OPA3: variants seen among roughly 807,000 people sequenced by gnomAD.
The protein encoded by OPA3 is optic atrophy 3 protein.
In OPA3, 6 loss-of-function variants were observed where a neutral mutation model predicts 4.0. That is an observed-to-expected ratio of 1.51 (90% confidence interval 0.83 to 2.99). The LOEUF (loss-of-function observed/expected upper bound fraction) is 2.99. OPA3 is among the 30% of genes most tolerant of loss of function. OPA3 has a pLI of 0.00. For synonymous variants in OPA3, 105 were observed against 117.1 expected (o/e 0.90, Z 0.67); for missense variants, 235 against 256.2 (o/e 0.92, Z 0.56).
intron 1 of OPA3, among the ~76,000 whole-genome samples, chr19:45,533,930 A>G (rs947496775): frequency 2.6e-5 from 4 of 152,230 alleles, no homozygotes; most frequent in African/African-American, 9.6e-5. Flanking sequence ...GTCCATGTGA[A>G]TTCTAGTATC....
At chr19:45,544,281 G>A (rs1317697184), downstream of OPA3, among the ~76,000 whole-genome samples, 2 of 152,182 alleles carry the variant, frequency 1.3e-5, no homozygotes, top group Non-Finnish European at 2.9e-5. Flanking sequence ...CCACCACGCG[G>A]AGGAAACAAC....
At chr19:45,528,725 C>A (rs182553559) in exon 2 of OPA3, 316 of 297,558 alleles carry the variant, frequency 1.1e-3, no homozygotes, top group African/African-American at 6.4e-3. Flanking sequence ...GTCCTGCTGG[C>A]CTACCTAGCG....
intron 1 of OPA3, among the ~76,000 whole-genome samples, chr19:45,537,238 G>C (rs1969128083): frequency 1.3e-5 from 2 of 151,434 alleles, no homozygotes; most frequent in South Asian, 2.1e-4. Flanking sequence ...GCCCAGGCTG[G>C]AGTGCAATGG....
chr19:45,550,798 G>A lies in OPA3; in HGVS notation c.*2716C>T, dbSNP rs574653920. The A allele has an allele frequency of 2.0e-6, 2 of 985,944 alleles. No homozygotes were observed. The highest frequency in any genetic ancestry group is 4.7e-5 in the South Asian group (1 of 21,294). The allele number at this position is 985,944 out of a possible 1,614,324, so 61.1% of individuals were successfully genotyped here. A position where few individuals can be genotyped will look rare whatever the true frequency, so the allele number is the denominator to read the frequency against. ...TTCATCACCTTGCAGCTCCTCTAATGAGAGAGCTACAGTCGGAAGGACAGA... is the reference window on the plus strand; with the variant it reads ...TTCATCACCTTGCAGCTCCTCTAATAAGAGAGCTACAGTCGGAAGGACAGA... On this transcript the variant is annotated 3_prime_UTR_variant, in exon 2 of 2. Coordinates refer to ENST00000263275, the MANE Select transcript of OPA3 (RefSeq NM_025136.4).
chr19:45,543,352 G>A (rs1318620629), downstream of OPA3, among the ~76,000 whole-genome samples: 28 of 140,280 alleles, frequency 2.0e-4, no homozygotes, highest in Non-Finnish European at 1.4e-4. Flanking sequence ...ACAGAGTCTC[G>A]CTCTGTTGCC....
chr19:45,567,160 T>A (rs1275460653), intron 1 of OPA3, among the ~76,000 whole-genome samples: 2 of 151,856 alleles, frequency 1.3e-5, no homozygotes, highest in East Asian at 3.9e-4. Context: ...GGCAACTTAG[T>A]GAGATCCATC....
chr19:45,546,498 G>GTT lies in OPA3; in HGVS notation c.*7015_*7016insAA. ...GCACACGATGGATTACATAAACTCT[G>GTT]CTTTTTTTTTTTTTTGAGACAGGGT... On this transcript the variant is annotated 3_prime_UTR_variant, in exon 2 of 2. Coordinates refer to ENST00000263275, the MANE Select transcript of OPA3 (RefSeq NM_025136.4). The GTT allele has an allele frequency of 5.8e-5, 34 of 586,772 alleles. No homozygotes were observed. Among genetic ancestry groups the GTT allele is most frequent in the East Asian group, 1.5e-4 (1 of 6,634 alleles). 36.3% of individuals were successfully genotyped at this position (586,772 alleles called of 1,614,324 possible). A position where few individuals can be genotyped will look rare whatever the true frequency, so the allele number is the denominator to read the frequency against.
intron 1 of OPA3, among the ~76,000 whole-genome samples, chr19:45,559,393 C>CTTTTTTTTTTTTTTTTTTTTTTT (rs1411300137): frequency 2.0e-5 from 2 of 97,824 alleles, no homozygotes; most frequent in African/African-American, 4.2e-5. Context: ...CCCTCTTTTT[C>CTTTTTTTTTTTTTTTTTTTTTTT]TTTCTTTTTT....
chr19:45,569,787 C>T (rs565655652), intron 1 of OPA3, among the ~76,000 whole-genome samples: 7 of 152,176 alleles, frequency 4.6e-5, no homozygotes, highest in East Asian at 1.9e-4. Flanking sequence ...TGCCTGGAGC[C>T]GCAGCAGCCC....
Position 45,555,025 on chromosome 19 carries a change from C to T in OPA3, c.143-1114G>A, listed in dbSNP as rs188401260. ...CAGGCTGGTCTCGATCATCTGACCT[C>T]GTGATCCACCTGCGTTGGCCTCTCA... On this transcript the variant is annotated intron_variant, in intron 1 of 1. Coordinates refer to ENST00000263275, the MANE Select transcript of OPA3 (RefSeq NM_025136.4). Among the ~76,000 whole-genome samples the T allele has an allele frequency of 4.5e-3, 687 of 152,258 alleles. 7 individuals carry two copies. Among genetic ancestry groups the T allele is most frequent in the African/African-American group, 0.015 (638 of 41,556 alleles).
rs1195027197 is a variant in OPA3, at chr19:45,572,156, C to T, written c.142+12467G>A. Among the ~76,000 whole-genome samples the T allele has an allele frequency of 6.5e-5, 9 of 138,018 alleles. 1 individual carries two copies. The South Asian group carries it at 1.8e-3, about 27-fold the overall frequency. The allele number at this position is 138,018 out of a possible 152,430, so 90.5% of individuals were successfully genotyped here. On this transcript the variant is annotated intron_variant, in intron 1 of 1. Coordinates refer to ENST00000263275, the MANE Select transcript of OPA3 (RefSeq NM_025136.4). ...ATATATTTTGTATTTTTAGTAGAGA[C>T]GGGGTTTCTCCATGTTGGTCAGGTT...
Position 45,549,487 on chromosome 19 carries a change from G to GT in OPA3, c.*4026dup, listed in dbSNP as rs879119658. ...TGCCTGTGTTCACACTCCCACCTCT[G>GT]TTTTTTTTTTTTGAGTTGAGTCTCA... On this transcript the variant is annotated 3_prime_UTR_variant, in exon 2 of 2. Coordinates refer to ENST00000263275, the MANE Select transcript of OPA3 (RefSeq NM_025136.4). 0.21 allele frequency: 118,002 copies of GT among 565,800 alleles called. No individual in the cohort carries two copies. The highest frequency in any genetic ancestry group is 0.24 in the Non-Finnish European group (107,862 of 451,000). The allele number at this position is 565,800 out of a possible 1,614,324, so 35.0% of individuals were successfully genotyped here. A position where few individuals can be genotyped will look rare whatever the true frequency, so the allele number is the denominator to read the frequency against.
In OPA3 at chr19:45,552,060, G is replaced by C; in HGVS notation, c.*1454C>G. 1 of 985,462 alleles carries C rather than the reference G, an allele frequency of 1.0e-6. No individual in the cohort carries two copies. Among genetic ancestry groups the C allele is most frequent in the Non-Finnish European group, 1.2e-6 (1 of 830,026 alleles). 61.0% of individuals were successfully genotyped at this position (985,462 alleles called of 1,614,324 possible). A position where few individuals can be genotyped will look rare whatever the true frequency, so the allele number is the denominator to read the frequency against. On this transcript the variant is annotated 3_prime_UTR_variant, in exon 2 of 2. Coordinates refer to ENST00000263275, the MANE Select transcript of OPA3 (RefSeq NM_025136.4). Reference sequence around the variant, plus strand: ...ATCAAATTTCCCACCACGGAAAGGGGGGTTGGAGGACATTCACAGAAAAGA... The same window carrying C: ...ATCAAATTTCCCACCACGGAAAGGGCGGTTGGAGGACATTCACAGAAAAGA...
intron 1 of OPA3, among the ~76,000 whole-genome samples, chr19:45,565,127 C>A (rs900760373): frequency 6.7e-6 from 1 of 148,494 alleles, no homozygotes; most frequent in Non-Finnish European, 1.5e-5. Flanking sequence ...CCAGCTACTT[C>A]GGAGGCTGAG....
At chr19:45,560,280 T>C (rs1456159207) in intron 1 of OPA3, among the ~76,000 whole-genome samples, 1 of 152,136 alleles carries the variant, frequency 6.6e-6, no homozygotes, top group Non-Finnish European at 1.5e-5. Context: ...ATCCTCTATC[T>C]GAGCTCTGAC....
At chr19:45,568,493 A>G (rs897560036) in intron 1 of OPA3, among the ~76,000 whole-genome samples, 1 of 151,986 alleles carries the variant, frequency 6.6e-6, no homozygotes, top group African/African-American at 2.4e-5. Flanking sequence ...CCCCCGCCCA[A>G]TCCAGCCAGT....
intron 1 of OPA3, among the ~76,000 whole-genome samples, chr19:45,537,396 C>CAAAAAAA (rs1181396046): frequency 3.5e-4 from 10 of 28,914 alleles, no homozygotes; most frequent in East Asian, 3.2e-3. Flanking sequence ...GACTCTGTCT[C>CAAAAAAA]AAAAAAAAAA....
chr19:45,575,866 A>G (rs1162679105), intron 1 of OPA3, among the ~76,000 whole-genome samples: 1 of 152,146 alleles, frequency 6.6e-6, no homozygotes, highest in African/African-American at 2.4e-5. Flanking sequence ...TCGACCTTCT[A>G]AAGTGCTGGG....
intron 1 of OPA3, among the ~76,000 whole-genome samples, chr19:45,573,407 C>T (rs1351951819): frequency 2.6e-5 from 4 of 151,950 alleles, no homozygotes; most frequent in African/African-American, 2.4e-5. Context: ...GCTGAGATCA[C>T]GCCACTGCAC....
Sources: allele counts gnomAD v4.1 joint callset (sites outside exome capture counted in the v4.1 genomes callset), GRCh38; gene constraint gnomAD v4.1.1; transcripts MANE v1.5; gene names NCBI Gene and HGNC (gene_info 2026-07-23, HGNC 2026-07-21).